The following SCLT1 variants were observed in gnomAD, a reference collection of about 807,000 sequenced individuals.
SCLT1 encodes the protein sodium channel-associated protein 1.
A neutral mutation model predicts 112.8 loss-of-function variants in SCLT1; 78 were observed. The observed-to-expected ratio is 0.69, with a 90% CI of 0.58 to 0.83. SCLT1 has a LOEUF of 0.83. Ranked by LOEUF, SCLT1 falls within the 40% of genes least tolerant of loss-of-function variation. The pLI is 0.00. For synonymous variants in SCLT1, 257 were observed against 254.7 expected, an observed-to-expected ratio of 1.01 and a Z score of -0.09; for missense variants, 747 against 770.4, an observed-to-expected ratio of 0.97 and a Z score of 0.36.
chr4:128,977,087 A>G (rs528866290), intron 9 of SCLT1, among the ~76,000 whole-genome samples: 26 of 152,336 alleles, frequency 1.7e-4, no homozygotes, highest in African/African-American at 6.3e-4. Context: ...GTTATAATAA[A>G]TGAGCAAGAG....
chr4:128,912,021 G>C (rs763123624), intron 18 of SCLT1, among the ~76,000 whole-genome samples: 3 of 152,142 alleles, frequency 2.0e-5, no homozygotes, highest in Non-Finnish European at 2.9e-5. Flanking sequence ...CAGAGAAGCA[G>C]GATGCTGAGC....
At chr4:129,015,368 T>A (rs1169929802) in intron 5 of SCLT1, among the ~76,000 whole-genome samples, 1 of 152,110 alleles carries the variant, frequency 6.6e-6, no homozygotes, top group Non-Finnish European at 1.5e-5. Flanking sequence ...AGCTATGATG[T>A]GGCTCCCAGG....
At chr4:128,968,891 T>G (rs1740433885) in intron 10 of SCLT1, among the ~76,000 whole-genome samples, 2 of 152,278 alleles carry the variant, frequency 1.3e-5, no homozygotes, top group Non-Finnish European at 1.5e-5. Flanking sequence ...TTGGGCAGAG[T>G]TAGGGCTCAT....
intron 18 of SCLT1, among the ~76,000 whole-genome samples, chr4:128,925,898 T>C (rs1212267494): frequency 6.6e-6 from 1 of 152,036 alleles, no homozygotes; most frequent in Admixed American, 6.5e-5. Flanking sequence ...CAGGTTTCCA[T>C]TGGTTCCTTT....
chr4:128,971,451 G>GT (rs1740682683), intron 9 of SCLT1: 1 of 152,012 alleles, frequency 6.6e-6, no homozygotes, highest in Non-Finnish European at 1.5e-5. Context: ...ATCTCAGGTA[G>GT]TTATTAGTGC....
At chr4:129,067,693 G>C (rs1750609693) in intron 2 of SCLT1, among the ~76,000 whole-genome samples, 1 of 151,982 alleles carries the variant, frequency 6.6e-6, no homozygotes, top group Admixed American at 6.6e-5. Flanking sequence ...GTTATTTTTA[G>C]TAGAGATGGG....
intron 18 of SCLT1, among the ~76,000 whole-genome samples, chr4:128,902,906 AC>A (rs1734430787): frequency 6.6e-6 from 1 of 152,178 alleles, no homozygotes. Flanking sequence ...GACAACGCCT[AC>A]ACAGGGTCAG....
At position 129,001,048 on chromosome 4, in the gene SCLT1, A is replaced by T. The variant is rs367745489; in HGVS notation, c.427-1254T>A. Among the ~76,000 whole-genome samples the T allele has an allele frequency of 1.5e-4, 23 of 152,130 alleles. No homozygotes were observed. The East Asian group carries it at 4.1e-3, about 27-fold the overall frequency. ...TATGGAGCCAGAAGATATGGGTGTG[A>T]TCTCTAATTCCTGGCTAAATAGTCC... On this transcript the variant is annotated intron_variant, in intron 6 of 20. Coordinates refer to ENST00000281142, the MANE Select transcript of SCLT1 (RefSeq NM_144643.4).
At chr4:128,930,930 A>G (rs551895510) in intron 18 of SCLT1, among the ~76,000 whole-genome samples, 2 of 152,200 alleles carry the variant, frequency 1.3e-5, no homozygotes, top group African/African-American at 2.4e-5. Flanking sequence ...TAAGATCAGA[A>G]GGGCTTGTTT....
chr4:128,982,219 T>C (rs1346225061), intron 9 of SCLT1, among the ~76,000 whole-genome samples: 2 of 152,148 alleles, frequency 1.3e-5, no homozygotes, highest in Admixed American at 6.6e-5. Context: ...TGGGTAGAGA[T>C]AACCAGGAGA....
chr4:128,901,671 T>TA (rs541501240), intron 18 of SCLT1, among the ~76,000 whole-genome samples: 1,769 of 148,812 alleles, frequency 0.012, 12 homozygotes, highest in Non-Finnish European at 0.016. Context: ...TAAAGTATAA[T>TA]AAAAAAAAAA....
chr4:129,041,334 G>A (rs2125695734), intron 4 of SCLT1, among the ~76,000 whole-genome samples: 1 of 152,244 alleles, frequency 6.6e-6, no homozygotes. Flanking sequence ...TAATTTTAAT[G>A]AAATGCTTTT....
At chr4:129,005,265 A>T (rs927066459) in intron 5 of SCLT1, among the ~76,000 whole-genome samples, 1 of 152,200 alleles carries the variant, frequency 6.6e-6, no homozygotes, top group Non-Finnish European at 1.5e-5. Flanking sequence ...ATCATAACTT[A>T]TCAATTATCC....
At chr4:129,075,510 A>G (rs1751386324) in intron 2 of SCLT1, among the ~76,000 whole-genome samples, 1 of 152,172 alleles carries the variant, frequency 6.6e-6, no homozygotes, top group Non-Finnish European at 1.5e-5. Flanking sequence ...ATCAATAGAG[A>G]GTCCAGAATT....
intron 18 of SCLT1, among the ~76,000 whole-genome samples, chr4:128,894,555 A>G (rs1211157008): frequency 6.6e-6 from 1 of 152,240 alleles, no homozygotes; most frequent in East Asian, 1.9e-4. Flanking sequence ...TAACAAGCCT[A>G]ATATCAAGCT....
chr4:128,959,128 C>G (rs1739461669), intron 12 of SCLT1, among the ~76,000 whole-genome samples: 1 of 152,100 alleles, frequency 6.6e-6, no homozygotes, highest in African/African-American at 2.4e-5. Flanking sequence ...ACAGGAATCA[C>G]AATTGTTAGA....
At chr4:128,930,735 T>C (rs1211761236) in intron 18 of SCLT1, among the ~76,000 whole-genome samples, 1 of 152,222 alleles carries the variant, frequency 6.6e-6, no homozygotes, top group Non-Finnish European at 1.5e-5. Context: ...TTGGAAAATG[T>C]AATATAAATT....
chr4:128,899,611 G>A (rs1364973946), intron 18 of SCLT1, among the ~76,000 whole-genome samples: 3 of 152,106 alleles, frequency 2.0e-5, no homozygotes, highest in Non-Finnish European at 2.9e-5. Context: ...TTGAAAACTG[G>A]CACAAGACAG....
chr4:128,942,343 G>A (rs1737767657), intron 17 of SCLT1, among the ~76,000 whole-genome samples: 1 of 148,650 alleles, frequency 6.7e-6, no homozygotes, highest in South Asian at 2.2e-4. Context: ...ATTGGAAGAT[G>A]TAGATATTTA....
Sources: gnomAD v4.1 joint callset for allele counts (sites outside exome capture counted in the v4.1 genomes callset) on GRCh38, gnomAD v4.1.1 for gene constraint, MANE v1.5 for transcripts, NCBI Gene and HGNC (gene_info 2026-07-23, HGNC 2026-07-21) for gene names.